JRK: variants seen among roughly 807,000 people sequenced by gnomAD.
JRK encodes the protein Jrk helix-turn-helix protein.
For missense variants in JRK, 720 were observed against 509.2 expected, an observed-to-expected ratio of 1.41 and a Z score of -3.98; for synonymous variants, 303 against 218.1, an observed-to-expected ratio of 1.39 and a Z score of -3.43.
the JRK span, among the ~76,000 whole-genome samples, chr8:142,647,016 A>G: frequency 6.6e-6 from 1 of 152,212 alleles, no homozygotes; most frequent in Non-Finnish European, 1.5e-5. Flanking sequence ...CAGAATTTAC[A>G]TCTCAAGGTA....
the JRK span, among the ~76,000 whole-genome samples, chr8:142,646,988 A>G: frequency 1.3e-5 from 2 of 152,220 alleles, no homozygotes; most frequent in African/African-American, 4.8e-5. Context: ...AATGACTCTT[A>G]GACGAAAAAT....
chr8:142,645,263 G>A, the JRK span, among the ~76,000 whole-genome samples: 2 of 152,138 alleles, frequency 1.3e-5, no homozygotes, highest in Non-Finnish European at 2.9e-5. Flanking sequence ...TGCGCACACA[G>A]AGAGATACAT....
chr8:142,664,989 T>C lies in JRK; in HGVS notation c.1070A>G (p.Tyr357Cys), dbSNP rs1372805435. 2 of 727,758 alleles carry C rather than the reference T, an allele frequency of 2.7e-6. No homozygotes were observed. Among genetic ancestry groups the C allele is most frequent in the Non-Finnish European group, 5.1e-6 (2 of 392,628 alleles). 45.1% of individuals were successfully genotyped at this position (727,758 alleles called of 1,614,324 possible). A position where few individuals can be genotyped will look rare whatever the true frequency, so the allele number is the denominator to read the frequency against. Reference sequence around the variant, plus strand: ...GCTGAATATGGCATCGTTCATGTTGTAGCGGGCGTGGGGGCCCTGCAGGGG... The same window carrying C: ...GCTGAATATGGCATCGTTCATGTTGCAGCGGGCGTGGGGGCCCTGCAGGGG... ...PVPLQGPHAR[Y>C]NMNDAIFSVA... Residue 357 changes from tyrosine to cysteine, a missense_variant, in exon 2 of 2, where the codon TAC (tyrosine) becomes TGC (cysteine). Coordinates refer to ENST00000612905, the MANE Select transcript of JRK (RefSeq NM_003724.4).
intron 1 of JRK, among the ~76,000 whole-genome samples, chr8:142,667,432 G>C (rs1458270860): frequency 6.8e-6 from 1 of 146,838 alleles, no homozygotes; most frequent in African/African-American, 2.6e-5. Context: ...CGGACACGGA[G>C]ACACACACAC....
intron 1 of JRK, among the ~76,000 whole-genome samples, chr8:142,668,090 C>T (rs1847188791): frequency 6.6e-6 from 1 of 152,226 alleles, no homozygotes; most frequent in Non-Finnish European, 1.5e-5. Flanking sequence ...GTCTCCCTGC[C>T]CTCACTCCTC....
rs1027760829 is a variant in JRK, at chr8:142,663,677, C to T, written c.*675G>A. On this transcript the variant is annotated 3_prime_UTR_variant, in exon 2 of 2. Coordinates refer to ENST00000612905, the MANE Select transcript of JRK (RefSeq NM_003724.4). Reference sequence around the variant, plus strand: ...TCTACCAAGTCAACTCTCCGTGGGGCCCCCCAACATCTTGGGGCCAGAGCC... The same window carrying T: ...TCTACCAAGTCAACTCTCCGTGGGGTCCCCCAACATCTTGGGGCCAGAGCC... The T allele has an allele frequency of 2.0e-6, 2 of 985,394 alleles. No homozygotes were observed. Among genetic ancestry groups the T allele is most frequent in the Non-Finnish European group, 2.4e-6 (2 of 829,874 alleles). The allele number at this position is 985,394 out of a possible 1,614,324, so 61.0% of individuals were successfully genotyped here.
chr8:142,669,855 C>T (rs1427820995), intron 1 of JRK, 77 bp downstream of exon 1: 1 of 152,466 alleles, frequency 6.6e-6, no homozygotes, highest in Non-Finnish European at 1.5e-5. Context: ...CGCCCGCGCC[C>T]ACCAGGGACC....
chr8:142,664,106 C>G lies in JRK; in HGVS notation c.*246G>C. 7.6e-7 allele frequency: 1 copy of G among 1,317,248 alleles called. No homozygotes were observed. The highest frequency in any genetic ancestry group is 9.6e-7 in the Non-Finnish European group (1 of 1,036,632). 81.6% of individuals were successfully genotyped at this position (1,317,248 alleles called of 1,614,324 possible). A position where few individuals can be genotyped will look rare whatever the true frequency, so the allele number is the denominator to read the frequency against. ...GGCTTGTTCTAGGCTAGGGTGGACC[C>G]TTCCAAAACATTTCCTCACTTTCGG... On this transcript the variant is annotated 3_prime_UTR_variant, in exon 2 of 2. Transcript: ENST00000612905.
intron 1 of JRK, 111 bp from the exon 2 acceptor site, chr8:142,666,631 G>C (rs1847136255): frequency 5.4e-6 from 1 of 186,018 alleles, no homozygotes; most frequent in Non-Finnish European, 1.1e-5. Flanking sequence ...AAGGGCTGTT[G>C]AGAGGACCCA....
At chr8:142,651,669 A>G in the JRK span, among the ~76,000 whole-genome samples, 2 of 152,332 alleles carry the variant, frequency 1.3e-5, no homozygotes, top group East Asian at 3.9e-4. Context: ...AAAGACTGAA[A>G]CAACAAAAAC....
chr8:142,666,559 G>A (rs902998900), intron 1 of JRK, 39 bp from the exon 2 acceptor site: 7 of 241,368 alleles, frequency 2.9e-5, no homozygotes, highest in South Asian at 2.6e-4. Flanking sequence ...GTGATGGGGC[G>A]CGCCCAGGAC....
chr8:142,654,795 T>G (rs900757625), downstream of JRK, among the ~76,000 whole-genome samples: 4 of 151,884 alleles, frequency 2.6e-5, no homozygotes, highest in Admixed American at 6.6e-5. Flanking sequence ...GGGTGCTGAT[T>G]TGCTGCAGCC....
chr8:142,650,068 G>T, the JRK span, among the ~76,000 whole-genome samples: 1 of 152,280 alleles, frequency 6.6e-6, no homozygotes, highest in African/African-American at 2.4e-5. Flanking sequence ...GAAACATGGA[G>T]TCAAAGGAGA....
At chr8:142,669,187 TGTGTGTGTGTGTGC>T (rs201025466) in intron 1 of JRK, among the ~76,000 whole-genome samples, 16,657 of 128,522 alleles carry the variant, frequency 0.13, 1,083 homozygotes, top group East Asian at 0.26. Flanking sequence ...TGTGTGTGTG[TGTGTGTGTGTGTGC>T]GTGTGTGTGT....
At chr8:142,647,993 CTT>C in the JRK span, among the ~76,000 whole-genome samples, 4 of 152,164 alleles carry the variant, frequency 2.6e-5, no homozygotes, top group South Asian at 4.1e-4. Flanking sequence ...TAAAGTGACT[CTT>C]GTTATATTTT....
chr8:142,664,184 A>T lies in JRK; in HGVS notation c.*168T>A, dbSNP rs1554635039. ...CTGTATTGACAGGAACCTCGGGCAC[A>T]GACCGTCCTGGGCACCCGAGCCACA... On this transcript the variant is annotated 3_prime_UTR_variant, in exon 2 of 2. Coordinates refer to ENST00000612905, the MANE Select transcript of JRK (RefSeq NM_003724.4). The T allele has an allele frequency of 7.2e-7, 1 of 1,383,438 alleles. No individual in the cohort carries two copies. Among genetic ancestry groups the T allele is most frequent in the Admixed American group, 3.2e-5 (1 of 31,736 alleles). 85.7% of individuals were successfully genotyped at this position (1,383,438 alleles called of 1,614,324 possible).
At chr8:142,652,353 GT>G in the JRK span, among the ~76,000 whole-genome samples, 1 of 152,196 alleles carries the variant, frequency 6.6e-6, no homozygotes, top group Admixed American at 6.5e-5. Context: ...TCAGACCACA[GT>G]TTGGTTTTCT....
At chr8:142,651,913 G>A in the JRK span, among the ~76,000 whole-genome samples, 2 of 152,054 alleles carry the variant, frequency 1.3e-5, no homozygotes, top group Non-Finnish European at 2.9e-5. Context: ...TGTTGGAAGT[G>A]AGCTCAAACT....
rs782230453 is a variant in JRK at position 142,664,973 on chromosome 8, G to A, written c.1086C>T (p.Ala362=). ...GPHARYNMND[A]IFSVACAWNA... ...TCCAGGCACAGGCCACGCTGAATATGGCATCGTTCATGTTGTAGCGGGCGT... is the reference window on the plus strand; with the variant it reads ...TCCAGGCACAGGCCACGCTGAATATAGCATCGTTCATGTTGTAGCGGGCGT... Residue 362 remains alanine (A), a synonymous_variant, in exon 2 of 2, where the codon GCC becomes GCT. Coordinates refer to ENST00000612905, the MANE Select transcript of JRK (RefSeq NM_003724.4). 8.1e-6 allele frequency: 6 copies of A among 741,858 alleles called. No individual in the cohort carries two copies. Among genetic ancestry groups the A allele is most frequent in the Non-Finnish European group, 1.2e-5 (5 of 402,476 alleles). 46.0% of individuals were successfully genotyped at this position (741,858 alleles called of 1,614,324 possible). A position where few individuals can be genotyped will look rare whatever the true frequency, so the allele number is the denominator to read the frequency against.
Sources: allele counts gnomAD v4.1 joint callset (sites outside exome capture counted in the v4.1 genomes callset), GRCh38; gene constraint gnomAD v4.1.1; transcripts MANE v1.5; gene names NCBI Gene and HGNC (gene_info 2026-07-23, HGNC 2026-07-21).